ELMO1: variants seen among roughly 807,000 people sequenced by gnomAD.
ELMO1 encodes engulfment and cell motility 1, also known as engulfment and cell motility protein 1.
ELMO1 carries 26 observed loss-of-function variants against 98.9 expected under a neutral mutation model. The ratio of observed to expected loss-of-function variants is 0.26; its 90% CI spans 0.19 to 0.36. The LOEUF (loss-of-function observed/expected upper bound fraction) is 0.36, where lower values mean the gene tolerates loss of function less well. ELMO1 is among the 10% of genes least tolerant of loss of function. The pLI, the probability that ELMO1 is intolerant of heterozygous loss-of-function variation, is 1.00. For synonymous variants in ELMO1, 346 were observed against 346.0 expected (o/e 1.00, Z 0.00); for missense variants, 627 against 935.2 (o/e 0.67, Z 4.30).
intron 16 of ELMO1, among the ~76,000 whole-genome samples, chr7:36,984,102 T>A (rs1444524634): frequency 6.6e-6 from 1 of 151,932 alleles, no homozygotes; most frequent in Non-Finnish European, 1.5e-5. Context: ...CAAGGCGAAA[T>A]GGACATTGAC....
At chr7:36,978,202 A>T (rs779954555) in intron 16 of ELMO1, among the ~76,000 whole-genome samples, 1 of 152,098 alleles carries the variant, frequency 6.6e-6, no homozygotes, top group Non-Finnish European at 1.5e-5. Flanking sequence ...ACTGCATGCT[A>T]CTACCCTCCC....
chr7:36,867,915 C>T (rs1456213585), intron 20 of ELMO1, among the ~76,000 whole-genome samples: 5 of 152,132 alleles, frequency 3.3e-5, no homozygotes, highest in African/African-American at 7.2e-5. Flanking sequence ...ACATGCTTTA[C>T]GGTCCAAAAT....
intron 15 of ELMO1, among the ~76,000 whole-genome samples, chr7:37,085,561 T>C (rs1208810132): frequency 1.3e-5 from 2 of 152,172 alleles, no homozygotes; most frequent in African/African-American, 4.8e-5. Context: ...TATTCTACTT[T>C]TACAACTTAT....
chr7:37,035,309 T>G (rs1208242651), intron 15 of ELMO1, among the ~76,000 whole-genome samples: 1 of 152,250 alleles, frequency 6.6e-6, no homozygotes, highest in Non-Finnish European at 1.5e-5. Context: ...CTCCAGATTT[T>G]GATCTTTCAC....
intron 4 of ELMO1, among the ~76,000 whole-genome samples, chr7:37,303,470 G>T (rs886405471): frequency 6.6e-6 from 1 of 152,128 alleles, no homozygotes; most frequent in Non-Finnish European, 1.5e-5. Flanking sequence ...TCTCATTTTA[G>T]AAGTATAAAA....
chr7:37,035,993 G>T (rs577803301), intron 15 of ELMO1, among the ~76,000 whole-genome samples: 1 of 152,318 alleles, frequency 6.6e-6, no homozygotes. Flanking sequence ...TGTGAATGAT[G>T]CCATGTATGG....
At chr7:37,392,130 C>T (rs539746641) in intron 1 of ELMO1, among the ~76,000 whole-genome samples, 2 of 152,272 alleles carry the variant, frequency 1.3e-5, no homozygotes, top group South Asian at 4.1e-4. Flanking sequence ...ATAAAATATT[C>T]CAGGATGGTA....
chr7:36,985,072 T>C (rs1400263057), intron 16 of ELMO1: 1 of 985,290 alleles, frequency 1.0e-6, no homozygotes, highest in Non-Finnish European at 1.2e-6. Flanking sequence ...TGCCTGTTTA[T>C]AGTACTGCTT....
intron 15 of ELMO1, among the ~76,000 whole-genome samples, chr7:37,048,530 A>T (rs1359782396): frequency 1.3e-5 from 2 of 152,238 alleles, no homozygotes; most frequent in South Asian, 4.1e-4. Flanking sequence ...AGAGAGTAGA[A>T]GCCTCTGTTT....
intron 2 of ELMO1, among the ~76,000 whole-genome samples, chr7:37,330,301 C>A (rs1246736325): frequency 6.6e-6 from 1 of 152,212 alleles, no homozygotes; most frequent in Non-Finnish European, 1.5e-5. Flanking sequence ...TAATATTTTT[C>A]ATTCCCTTCT....
At chr7:37,206,317 A>G (rs954632104) in intron 13 of ELMO1, among the ~76,000 whole-genome samples, 1 of 152,206 alleles carries the variant, frequency 6.6e-6, no homozygotes, top group Admixed American at 6.5e-5. Context: ...AATGTCAAGT[A>G]CCTTGCCCAA....
At chr7:36,878,671 G>A (rs377446007) in intron 18 of ELMO1, among the ~76,000 whole-genome samples, 208 of 152,258 alleles carry the variant, frequency 1.4e-3, no homozygotes, top group South Asian at 6.4e-3. Context: ...GATTCATGAG[G>A]AAATCATCTA....
At chr7:37,012,095 C>T (rs1793601834) in intron 16 of ELMO1, among the ~76,000 whole-genome samples, 1 of 152,128 alleles carries the variant, frequency 6.6e-6, no homozygotes, top group South Asian at 2.1e-4. Context: ...GGAATTCAAT[C>T]GATGACCAAG....
chr7:36,958,272 C>T (rs887610122), intron 16 of ELMO1, among the ~76,000 whole-genome samples: 8 of 152,328 alleles, frequency 5.3e-5, no homozygotes, highest in South Asian at 2.1e-4. Context: ...GCCTCCTCCA[C>T]CCACCTGAAC....
chr7:36,860,540 C>T (rs953844613), intron 21 of ELMO1, among the ~76,000 whole-genome samples: 4 of 152,170 alleles, frequency 2.6e-5, no homozygotes, highest in African/African-American at 9.7e-5. Context: ...AGCATTTATC[C>T]TGATCTGGAA....
chr7:37,182,009 C>A (rs1790891605), intron 13 of ELMO1, among the ~76,000 whole-genome samples: 1 of 120,836 alleles, frequency 8.3e-6, no homozygotes, highest in Non-Finnish European at 1.7e-5. Flanking sequence ...TCCAATTGCC[C>A]CCCTCTCAAA....
chr7:37,094,720 C>T (rs1294194093), intron 15 of ELMO1, among the ~76,000 whole-genome samples: 7 of 152,222 alleles, frequency 4.6e-5, no homozygotes, highest in Admixed American at 4.6e-4. Flanking sequence ...ACTGAGATCA[C>T]TGCAATTTCA....
Position 36,855,494 on chromosome 7 carries a change from C to T in ELMO1, c.*57G>A. The T allele has an allele frequency of 6.2e-7, 1 of 1,606,628 alleles. No homozygotes were observed. The highest frequency in any genetic ancestry group is 8.5e-7 in the Non-Finnish European group (1 of 1,174,918). Reference sequence around the variant, plus strand: ...AAGGCGTGGGTGTGTTTTCATTCCTCTCTCCTGTTAGCTAGGTGTTCCAGT... The same window carrying T: ...AAGGCGTGGGTGTGTTTTCATTCCTTTCTCCTGTTAGCTAGGTGTTCCAGT... On this transcript the variant is annotated 3_prime_UTR_variant, in exon 22 of 22. Coordinates refer to ENST00000310758, the MANE Select transcript of ELMO1 (RefSeq NM_014800.11). The surrounding 1 kb of genome is among the most constrained non-coding windows in gnomAD (Gnocchi z 4.2).
At position 37,132,429 on chromosome 7, in the gene ELMO1, T is replaced by G. The variant is rs1304904206; in HGVS notation, c.1191+701A>C. Among the ~76,000 whole-genome samples, 4 of 152,304 alleles carry G rather than the reference T, an allele frequency of 2.6e-5. No homozygotes were observed. In the East Asian group the frequency reaches 7.7e-4, roughly 29 times the overall value. ...CTACCTCATCCTGACTGAATCTGGG[T>G]TCTTCACCCTGAGGACAGGGGAGAG... On this transcript the variant is annotated intron_variant, in intron 14 of 21. Transcript: ENST00000310758.
Sources: gnomAD v4.1 joint callset for allele counts (sites outside exome capture counted in the v4.1 genomes callset) on GRCh38, gnomAD v4.1.1 for gene constraint, Gnocchi (gnomAD v3.1) non-coding constraint, MANE v1.5 for transcripts, NCBI Gene and HGNC (gene_info 2026-07-23, HGNC 2026-07-21) for gene names.